Variants in ASAH1 observed in about 807,000 individuals in gnomAD.
The protein encoded by ASAH1 is N-acylsphingosine amidohydrolase 1.
In ASAH1, 70 loss-of-function variants were observed where a neutral mutation model predicts 59.5. The ratio of observed to expected loss-of-function variants is 1.18; its 90% confidence interval spans 0.97 to 1.43. The LOEUF is 1.43. ASAH1 is among the 40% of genes most tolerant of loss of function. The pLI is 0.00. For missense variants in ASAH1, 660 were observed against 482.5 expected (o/e 1.37, Z -3.45); for synonymous variants, 213 against 166.5 (o/e 1.28, Z -2.15).
intron 5 of ASAH1, 179 bp from the exon 6 acceptor site, chr8:18,064,710 G>A (rs780013339): frequency 3.5e-6 from 2 of 566,754 alleles, no homozygotes; most frequent in Non-Finnish European, 6.2e-6. Flanking sequence ...CTAGACTCAA[G>A]ATGAAACAAG....
chr8:18,077,520 A>T (rs4541969), intron 1 of ASAH1, among the ~76,000 whole-genome samples: 74,521 of 152,064 alleles, frequency 0.49, 18,589 homozygotes, highest in Middle Eastern at 0.54. Flanking sequence ...AAACTTGGCA[A>T]TGATCATCTA....
Position 18,071,767 on chromosome 8 carries a change from G to A in ASAH1, c.126-377C>T, listed in dbSNP as rs370381511. ...TGGGCTCTAGACAATTCTCCAATTG[G>A]TTTCCAGTTTCAGAATTCTCTCTCA... On this transcript the variant is annotated intron_variant, in intron 2 of 13. Transcript: ENST00000637790. Among the ~76,000 whole-genome samples, 334 of 152,050 alleles carry A rather than the reference G, an allele frequency of 2.2e-3. 4 individuals carry two copies. In the South Asian group the frequency reaches 0.024, roughly 11 times the overall value.
chr8:18,067,143 A>ATAACTAAGACATACAGCACCTGTGC, intron 5 of ASAH1, 77 bp downstream of exon 5: 1 of 1,321,252 alleles, frequency 7.6e-7, no homozygotes, highest in Non-Finnish European at 1.1e-6. Flanking sequence ...CCTGTGCTGT[A>ATAACTAAGACATACAGCACCTGTGC]TGTATATCAC....
At chr8:18,065,476 G>A (rs1394738900) in intron 5 of ASAH1, 1 of 151,986 alleles carries the variant, frequency 6.6e-6, no homozygotes, top group East Asian at 1.9e-4. Context: ...GGTACTGTTG[G>A]CTATTTAAAA....
intron 4 of ASAH1, chr8:18,069,425 A>C (rs1800066118): frequency 4.6e-6 from 1 of 219,150 alleles, no homozygotes; most frequent in Non-Finnish European, 9.1e-6. Context: ...TGAGTATGTC[A>C]TTTGCTCATA....
At chr8:18,065,211 A>T (rs1390612878) in intron 5 of ASAH1, 2 of 151,474 alleles carry the variant, frequency 1.3e-5, no homozygotes, top group East Asian at 3.9e-4. Flanking sequence ...AATTTATAAT[A>T]ATTATATAAA....
chr8:18,056,312 A>C lies in ASAH1; in HGVS notation c.*1222T>G, dbSNP rs1223041330. On this transcript the variant is annotated 3_prime_UTR_variant, in exon 14 of 14. Coordinates refer to ENST00000637790, the MANE Select transcript of ASAH1 (RefSeq NM_177924.5). Reference sequence around the variant, plus strand: ...AGAGTAAGATTGTGACCGTTTAGTCATATTTAATAACCCACTTACATAACC... The same window carrying C: ...AGAGTAAGATTGTGACCGTTTAGTCCTATTTAATAACCCACTTACATAACC... 1 of 152,176 alleles carries C rather than the reference A, an allele frequency of 6.6e-6. No homozygotes were observed. The highest frequency in any genetic ancestry group is 1.9e-4 in the East Asian group (1 of 5,194). 9.4% of individuals were successfully genotyped at this position (152,176 alleles called of 1,614,324 possible). A position where few individuals can be genotyped will look rare whatever the true frequency, so the allele number is the denominator to read the frequency against.
At chr8:18,071,270 G>T (rs1219087093) in intron 3 of ASAH1, 30 bp downstream of exon 3, 7 of 1,123,432 alleles carry the variant, frequency 6.2e-6, no homozygotes, top group African/African-American at 3.2e-5. Flanking sequence ...TAAAAATAAA[G>T]AAATAAAAGA....
chr8:18,070,430 G>C (rs952302600), intron 3 of ASAH1, among the ~76,000 whole-genome samples: 4 of 152,074 alleles, frequency 2.6e-5, no homozygotes, highest in African/African-American at 7.2e-5. Flanking sequence ...TTACAGGCAT[G>C]AGCCACCGCG....
intron 6 of ASAH1, chr8:18,064,028 A>C (rs757462897): frequency 3.9e-6 from 1 of 256,450 alleles, no homozygotes; most frequent in Non-Finnish European, 7.4e-6. Context: ...AAAATACGGG[A>C]AAGTGAGGCT....
intron 1 of ASAH1, among the ~76,000 whole-genome samples, chr8:18,078,470 C>T (rs1393417677): frequency 6.6e-6 from 1 of 152,108 alleles, no homozygotes; most frequent in East Asian, 1.9e-4. Context: ...AAGTTGGCAG[C>T]TATGAGACTA....
In ASAH1 at chr8:18,062,293, T is replaced by C; in HGVS notation, c.634A>G (p.Thr212Ala). The change falls in exon 8 of 14, where the codon ACA becomes GCA. Residue 212 changes from threonine (T) to alanine (A), a missense_variant. Coordinates refer to ENST00000637790, the MANE Select transcript of ASAH1 (RefSeq NM_177924.5). The part of the protein sequence containing the change: ...SSFAGYVGML[T>A]GFKPGLFSLT... ...AGACTCCTTACTGGTTTGAATCCTG[T>C]TAACATGCCCACATAGCCAGCAAAG... 1 of 1,614,214 alleles carries C rather than the reference T, an allele frequency of 6.2e-7. No individual in the cohort carries two copies. Among genetic ancestry groups the C allele is most frequent in the South Asian group, 1.1e-5 (1 of 91,084 alleles).
chr8:18,083,583 A>G (rs946415064), intron 1 of ASAH1, among the ~76,000 whole-genome samples: 7 of 152,212 alleles, frequency 4.6e-5, no homozygotes, highest in Non-Finnish European at 7.3e-5. Flanking sequence ...CTTCTTCGGG[A>G]GAAAGCACCT....
chr8:18,075,366 G>C, intron 2 of ASAH1, 175 bp downstream of exon 2: 2 of 745,322 alleles, frequency 2.7e-6, no homozygotes, highest in Non-Finnish European at 4.9e-6. Flanking sequence ...TTTCATATTT[G>C]TCCAAGATCT....
chr8:18,084,585 A>C, upstream of ASAH1: 34 of 1,542,590 alleles, frequency 2.2e-5, no homozygotes, highest in East Asian at 2.3e-5. Context: ...ATTCATCCCC[A>C]CCGCGGAGTC....
At chr8:18,061,782 T>C (rs956298208) in intron 8 of ASAH1, 42 bp from the exon 9 acceptor site, 1 of 1,540,830 alleles carries the variant, frequency 6.5e-7, no homozygotes, top group Non-Finnish European at 8.8e-7. Flanking sequence ...ACATCAACCA[T>C]GCGCTTTAAG....
At chr8:18,072,132 G>C (rs1258552214) in intron 2 of ASAH1, among the ~76,000 whole-genome samples, 1 of 152,178 alleles carries the variant, frequency 6.6e-6, no homozygotes, top group African/African-American at 2.4e-5. Flanking sequence ...TGTTGCTATA[G>C]GAACATTATT....
chr8:18,078,869 C>T (rs1800524223), intron 1 of ASAH1, among the ~76,000 whole-genome samples: 1 of 152,058 alleles, frequency 6.6e-6, no homozygotes, highest in African/African-American at 2.4e-5. Context: ...AACCCTCTCC[C>T]CACAGTACCT....
At chr8:18,081,711 A>G (rs1463611167) in intron 1 of ASAH1, among the ~76,000 whole-genome samples, 3 of 152,372 alleles carry the variant, frequency 2.0e-5, no homozygotes, top group East Asian at 1.9e-4. Flanking sequence ...CTTGTTTCCA[A>G]TTTAAAGCTG....
Sources: gnomAD v4.1 joint callset for allele counts (sites outside exome capture counted in the v4.1 genomes callset) on GRCh38, gnomAD v4.1.1 for gene constraint, MANE v1.5 for transcripts, NCBI Gene and HGNC (gene_info 2026-07-23, HGNC 2026-07-21) for gene names.